FGF1: variants seen among roughly 807,000 people sequenced by gnomAD.
FGF1 encodes the protein fibroblast growth factor 1.
A neutral mutation model predicts 13.4 loss-of-function variants in FGF1; 9 were observed. That is an observed-to-expected ratio of 0.67 (90% CI 0.40 to 1.17). The LOEUF is 1.17. Among genes scored for constraint, FGF1 ranks in the 50% most tolerant of loss-of-function variants. FGF1 has a pLI of 0.01. For synonymous variants in FGF1, 93 were observed against 79.0 expected, an observed-to-expected ratio of 1.18 and a Z score of -0.94; for missense variants, 156 against 192.7, an observed-to-expected ratio of 0.81 and a Z score of 1.13.
rs1444231617 is a variant in FGF1 at position 142,657,648 on chromosome 5, C to T, written c.-35+28309G>A. 2.6e-5 allele frequency among the ~76,000 whole-genome samples: 4 copies of T among 152,262 alleles called. No homozygotes were observed. In the East Asian group the frequency reaches 5.8e-4, roughly 22 times the overall value. Reference sequence around the variant, plus strand: ...CCCAGGAGACCTGGTCCACCACACTCGCCATGCTGCTGGCTGCTGGCTGCG... The same window carrying T: ...CCCAGGAGACCTGGTCCACCACACTTGCCATGCTGCTGGCTGCTGGCTGCG... On this transcript the variant is annotated intron_variant, in intron 1 of 3. Coordinates refer to ENST00000337706, the MANE Select transcript of FGF1 (RefSeq NM_000800.5).
intron 2 of FGF1, among the ~76,000 whole-genome samples, chr5:142,603,800 A>T (rs1008693330): frequency 2.3e-4 from 35 of 152,314 alleles, no homozygotes; most frequent in African/African-American, 8.4e-4. Context: ...TAGGCTGCAT[A>T]GCCTCTTAGA....
intron 2 of FGF1, chr5:142,601,028 G>C: frequency 1.6e-6 from 1 of 611,852 alleles, no homozygotes. Context: ...AGGAAGGAGA[G>C]ACAACGGCCG....
rs1294716306 is a variant in FGF1, at chr5:142,594,664, C to A, written c.*626G>T. The A allele has an allele frequency of 6.6e-6, 1 of 152,280 alleles. No homozygotes were observed. The highest frequency in any genetic ancestry group is 1.5e-5 in the Non-Finnish European group (1 of 68,122). 9.4% of individuals were successfully genotyped at this position (152,280 alleles called of 1,614,324 possible). On this transcript the variant is annotated 3_prime_UTR_variant, in exon 4 of 4. Transcript: ENST00000337706. Reference sequence around the variant, plus strand: ...TAATGACTCCCAAGGATTTATTCTGCCTTCCTGCGGCTGGGCCTCCCTTTC... The same window carrying A: ...TAATGACTCCCAAGGATTTATTCTGACTTCCTGCGGCTGGGCCTCCCTTTC...
rs1754850301 is a variant in FGF1, at chr5:142,594,457, T to G, written c.*833A>C. On this transcript the variant is annotated 3_prime_UTR_variant, in exon 4 of 4. Transcript: ENST00000337706. Reference sequence around the variant, plus strand: ...TCCTTCTGAAATCATCCTCTTTTTATGGTATCCCCTCAGCCAGTTTCCCTT... The same window carrying G: ...TCCTTCTGAAATCATCCTCTTTTTAGGGTATCCCCTCAGCCAGTTTCCCTT... 1 of 152,384 alleles carries G rather than the reference T, an allele frequency of 6.6e-6. No individual in the cohort carries two copies. Among genetic ancestry groups the G allele is most frequent in the Non-Finnish European group, 1.5e-5 (1 of 68,178 alleles). The allele number at this position is 152,384 out of a possible 1,614,324, so 9.4% of individuals were successfully genotyped here. A position where few individuals can be genotyped will look rare whatever the true frequency, so the allele number is the denominator to read the frequency against.
Position 142,595,368 on chromosome 5 carries a change from C to G in FGF1, c.390G>C (p.Gly130=), listed in dbSNP as rs750586330. Residue 130 remains glycine (G), a synonymous_variant, in exon 4 of 4, where the codon GGG becomes GGC. Coordinates refer to ENST00000337706, the MANE Select transcript of FGF1 (RefSeq NM_000800.5). ...KNWFVGLKKN[G]SCKRGPRTHY... ...GAGTCCGAGGACCGCGTTTGCAGCT[C>G]CCATTCTTCTTGAGGCCAACAAACC... 2.0e-5 allele frequency: 32 copies of G among 1,613,944 alleles called. No individual in the cohort carries two copies. In the East Asian group the frequency reaches 6.7e-4, roughly 34 times the overall value.
At chr5:142,628,545 T>C (rs1762833931) in intron 1 of FGF1, among the ~76,000 whole-genome samples, 1 of 152,226 alleles carries the variant, frequency 6.6e-6, no homozygotes, top group African/African-American at 2.4e-5. Context: ...CCAATAACTA[T>C]GTCAGTAAAC....
At chr5:142,690,050 G>A (rs1751920725), upstream of FGF1, among the ~76,000 whole-genome samples, 3 of 150,304 alleles carry the variant, frequency 2.0e-5, no homozygotes, top group Admixed American at 2.0e-4. Flanking sequence ...GGCCGGGCAC[G>A]GTGGCTCACG....
intron 2 of FGF1, among the ~76,000 whole-genome samples, chr5:142,694,424 T>C (rs1453143103): frequency 6.6e-6 from 1 of 152,200 alleles, no homozygotes; most frequent in Admixed American, 6.5e-5. Flanking sequence ...TGAAGCCATA[T>C]GAATAGGCCA....
chr5:142,621,081 C>A (rs1371485149), intron 1 of FGF1, among the ~76,000 whole-genome samples: 1 of 152,184 alleles, frequency 6.6e-6, no homozygotes, highest in Non-Finnish European at 1.5e-5. Flanking sequence ...TGCCTTCTTT[C>A]AATCCACTGT....
upstream of FGF1, chr5:142,686,344 C>G (rs1251085397): frequency 6.5e-6 from 1 of 152,846 alleles, no homozygotes; most frequent in Admixed American, 6.5e-5. Context: ...CTAAGCAACC[C>G]CTACTCTGGA....
Position 142,592,424 on chromosome 5 carries a change from A to G in FGF1, c.*2866T>C. 1 of 398,508 alleles carries G rather than the reference A, an allele frequency of 2.5e-6. No individual in the cohort carries two copies. The highest frequency in any genetic ancestry group is 4.4e-6 in the Non-Finnish European group (1 of 226,004). 24.7% of individuals were successfully genotyped at this position (398,508 alleles called of 1,614,324 possible). On this transcript the variant is annotated 3_prime_UTR_variant, in exon 4 of 4. Transcript: ENST00000337706. Reference sequence around the variant, plus strand: ...TTTTTGTTCATACACACTGTTGGCCATTGTGAATCTTTCTTATCATGCCTT... The same window carrying G: ...TTTTTGTTCATACACACTGTTGGCCGTTGTGAATCTTTCTTATCATGCCTT...
At chr5:142,692,309 C>A (rs1357216646) in intron 2 of FGF1, among the ~76,000 whole-genome samples, 1 of 152,182 alleles carries the variant, frequency 6.6e-6, no homozygotes, top group African/African-American at 2.4e-5. Context: ...TGCACTCCAG[C>A]CTGGATGACA....
chr5:142,668,703 C>G (rs972417167), intron 1 of FGF1, among the ~76,000 whole-genome samples: 1 of 152,238 alleles, frequency 6.6e-6, no homozygotes, highest in African/African-American at 2.4e-5. Context: ...AAGGGAAGCA[C>G]CTAGCACATT....
upstream of FGF1, among the ~76,000 whole-genome samples, chr5:142,687,958 TCA>T (rs1466871241): frequency 1.3e-5 from 2 of 152,214 alleles, no homozygotes; most frequent in Non-Finnish European, 2.9e-5. Flanking sequence ...CCCTGCAAAC[TCA>T]CAGGATTATC....
chr5:142,636,320 A>G (rs1764246462), intron 1 of FGF1, among the ~76,000 whole-genome samples: 1 of 152,360 alleles, frequency 6.6e-6, no homozygotes, highest in Admixed American at 6.5e-5. Flanking sequence ...ACACAAGCCC[A>G]TAATATGATG....
chr5:142,640,457 T>A (rs1765011104), intron 1 of FGF1, among the ~76,000 whole-genome samples: 1 of 144,718 alleles, frequency 6.9e-6, no homozygotes, highest in Non-Finnish European at 1.5e-5. Context: ...GAAGCGGCAT[T>A]GGAGCTGAGG....
Position 142,606,218 on chromosome 5 carries a change from C to CTCTGTGTG in FGF1, c.170-5414_170-5413insCACACAGA, listed in dbSNP as rs151219206. Among the ~76,000 whole-genome samples, 193 of 143,144 alleles carry CTCTGTGTG rather than the reference C, an allele frequency of 1.3e-3. 2 individuals are homozygous for CTCTGTGTG. Among genetic ancestry groups the CTCTGTGTG allele is most frequent in the Middle Eastern group, 3.5e-3 (1 of 284 alleles). 93.9% of individuals were successfully genotyped at this position (143,144 alleles called of 152,430 possible). On this transcript the variant is annotated intron_variant, in intron 2 of 3. Coordinates refer to ENST00000337706, the MANE Select transcript of FGF1 (RefSeq NM_000800.5). Reference sequence around the variant, plus strand: ...AAAATCTGCAACATTCTTTCTCTCTCTGTGTGTGTGTGTGTGTGTGTGTGT... The same window carrying CTCTGTGTG: ...AAAATCTGCAACATTCTTTCTCTCTCTCTGTGTGTGTGTGTGTGTGTGTGTGTGTGTGT...
intron 1 of FGF1, among the ~76,000 whole-genome samples, chr5:142,634,890 C>T (rs184491253): frequency 5.9e-4 from 89 of 150,260 alleles, no homozygotes; most frequent in African/African-American, 1.9e-3. Flanking sequence ...TTTTTTTCCA[C>T]GACTCCTTGT....
chr5:142,595,058 C>T lies in FGF1; in HGVS notation c.*232G>A, dbSNP rs781151019. On this transcript the variant is annotated 3_prime_UTR_variant, in exon 4 of 4. Transcript: ENST00000337706. Reference sequence around the variant, plus strand: ...TTGGAGATCCAAACCCAGACCCAGACTGGCCAGCCAGTTGACTCCTAGAAG... The same window carrying T: ...TTGGAGATCCAAACCCAGACCCAGATTGGCCAGCCAGTTGACTCCTAGAAG... The T allele has an allele frequency of 2.3e-6, 1 of 443,968 alleles. No homozygotes were observed. Among genetic ancestry groups the T allele is most frequent in the East Asian group, 3.7e-5 (1 of 26,974 alleles). 27.5% of individuals were successfully genotyped at this position (443,968 alleles called of 1,614,324 possible). A position where few individuals can be genotyped will look rare whatever the true frequency, so the allele number is the denominator to read the frequency against.
Sources: gnomAD v4.1 joint callset for allele counts (sites outside exome capture counted in the v4.1 genomes callset) on GRCh38, gnomAD v4.1.1 for gene constraint, MANE v1.5 for transcripts, NCBI Gene and HGNC (gene_info 2026-07-23, HGNC 2026-07-21) for gene names.